RNF43: variants seen among roughly 807,000 people sequenced by gnomAD.
RNF43 encodes E3 ubiquitin-protein ligase RNF43.
A neutral mutation model predicts 78.4 loss-of-function variants in RNF43; 37 were observed. That is an observed-to-expected ratio of 0.47 (90% CI 0.36 to 0.62). RNF43 has a LOEUF of 0.62. RNF43 is among the 20% of genes least tolerant of loss of function. RNF43 has a pLI of 0.00. For missense variants in RNF43, 774 were observed against 1,007.9 expected (o/e 0.77, Z 3.14); for synonymous variants, 347 against 395.0 (o/e 0.88, Z 1.44).
At chr17:58,363,852 T>G (rs1200768871) in intron 3 of RNF43, among the ~76,000 whole-genome samples, 1 of 152,104 alleles carries the variant, frequency 6.6e-6, no homozygotes, top group Non-Finnish European at 1.5e-5. Flanking sequence ...AACAAACCCT[T>G]AAGGGGGGTT....
chr17:58,378,384 A>G (rs974624967), intron 2 of RNF43, among the ~76,000 whole-genome samples: 1 of 152,012 alleles, frequency 6.6e-6, no homozygotes, highest in Non-Finnish European at 1.5e-5. Flanking sequence ...CAGCCTCCTG[A>G]GGTGCTGGGA....
At position 58,357,331 on chromosome 17, in the gene RNF43, G is replaced by C; in HGVS notation, c.2308+137C>G. ...GCCAGCATGATACGCTGTCCCGATG[G>C]TTAAGTATTTTGGTTGTCATCTCTG... On this transcript the variant is annotated intron_variant, in intron 9 of 9. Coordinates refer to ENST00000407977, the MANE Select transcript of RNF43 (RefSeq NM_017763.6). The surrounding 1 kb of genome is among the most constrained non-coding windows in gnomAD (Gnocchi z 4.5). 9.1e-7 allele frequency: 1 copy of C among 1,097,302 alleles called. No individual in the cohort carries two copies. 68.0% of individuals were successfully genotyped at this position (1,097,302 alleles called of 1,614,324 possible).
At chr17:58,361,019 C>G (rs970969169) in intron 6 of RNF43, 75 bp from the exon 7 acceptor site, 1 of 1,410,854 alleles carries the variant, frequency 7.1e-7, no homozygotes. Context: ...GCTTGGACTC[C>G]GTTCCCAGTC....
At chr17:58,379,183 G>A (rs532590229) in intron 2 of RNF43, among the ~76,000 whole-genome samples, 1 of 152,256 alleles carries the variant, frequency 6.6e-6, no homozygotes, top group African/African-American at 2.4e-5. Context: ...CATTAGGTGA[G>A]TACTGTAATA....
At chr17:58,362,186 C>T (rs1972849119) in intron 6 of RNF43, among the ~76,000 whole-genome samples, 1 of 151,946 alleles carries the variant, frequency 6.6e-6, no homozygotes, top group Non-Finnish European at 1.5e-5. Flanking sequence ...CTCCGTAGTA[C>T]ATATCACCAT....
chr17:58,398,084 C>T (rs1214802956), intron 2 of RNF43, among the ~76,000 whole-genome samples: 2 of 152,196 alleles, frequency 1.3e-5, no homozygotes, highest in Admixed American at 6.5e-5. Flanking sequence ...AATCCTTAAA[C>T]TTGGCTCAAA....
At chr17:58,413,868 CT>C (rs1330198796) in intron 2 of RNF43, among the ~76,000 whole-genome samples, 3 of 152,140 alleles carry the variant, frequency 2.0e-5, no homozygotes, top group Non-Finnish European at 4.4e-5. Context: ...CTCTCAAAAA[CT>C]TCAGTGATAT....
Position 58,360,786 on chromosome 17 carries a change from C to G in RNF43, c.846G>C (p.Gly282=), listed in dbSNP as rs774303900. 6.2e-7 allele frequency: 1 copy of G among 1,609,722 alleles called. No individual in the cohort carries two copies. Among genetic ancestry groups the G allele is most frequent in the Non-Finnish European group, 8.5e-7 (1 of 1,178,038 alleles). ...CAICLEEFSE[G]QELRVISCLH... is the part of the protein sequence containing the mutation. The stretch of plus-strand genomic sequence containing the variant: ...TGAACCACAAGACCTGCCTTACCTG[C>G]CCCTCAGAGAACTCCTCCAGACAGA... The change falls in exon 7 of 10, where the codon GGG becomes GGC. Residue 282 remains glycine, a synonymous_variant. Coordinates refer to ENST00000407977, the MANE Select transcript of RNF43 (RefSeq NM_017763.6). This position sits in a 1 kb window ranked among gnomAD's most constrained non-coding sequence, Gnocchi z 4.3.
At chr17:58,364,030 A>G (rs1972898510) in intron 3 of RNF43, among the ~76,000 whole-genome samples, 1 of 152,200 alleles carries the variant, frequency 6.6e-6, no homozygotes, top group African/African-American at 2.4e-5. Flanking sequence ...GGGACAGCAG[A>G]GAAGTAGAGC....
chr17:58,399,777 G>A (rs1973756075), intron 2 of RNF43, among the ~76,000 whole-genome samples: 1 of 152,012 alleles, frequency 6.6e-6, no homozygotes, highest in Non-Finnish European at 1.5e-5. Context: ...AAGTAGCTGG[G>A]ATTACAGTTG....
rs146092989 is a variant in RNF43 at position 58,367,450 on chromosome 17, C to A, written c.375+3461G>T. 3.2e-3 allele frequency among the ~76,000 whole-genome samples: 486 copies of A among 152,324 alleles called. 2 individuals are homozygous for A. Among genetic ancestry groups the A allele is most frequent in the Non-Finnish European group, 3.1e-3 (209 of 68,034 alleles). ...TGAATAATTTGCCCAGGGTCACCAACTGAGAAGCAGTGGAGGCAGAATTTG... is the reference window on the plus strand; with the variant it reads ...TGAATAATTTGCCCAGGGTCACCAAATGAGAAGCAGTGGAGGCAGAATTTG... On this transcript the variant is annotated intron_variant, in intron 3 of 9. Transcript: ENST00000407977.
rs1201588586 is a variant in RNF43, at chr17:58,415,608, T to C, written c.-31A>G. 3.1e-6 allele frequency: 5 copies of C among 1,600,614 alleles called. No individual in the cohort carries two copies. The highest frequency in any genetic ancestry group is 3.4e-6 in the Non-Finnish European group (4 of 1,179,002). On this transcript the variant is annotated 5_prime_UTR_variant, in exon 2 of 10. The change abolishes an upstream ATG in the 5' untranslated region. Transcript: ENST00000407977. ...CAGCTGCAGCAATGCACTTCAACCA[T>C]ACATACTGCTTCCACTAGCTAATAC... is the stretch of plus-strand genomic sequence containing the variant.
At chr17:58,362,436 G>C in intron 6 of RNF43, 108 bp downstream of exon 6, 1 of 704,078 alleles carries the variant, frequency 1.4e-6, no homozygotes, top group Non-Finnish European at 2.3e-6. Flanking sequence ...GATGTAAATG[G>C]TTCCATAGGT....
chr17:58,383,528 C>T (rs1973365861), intron 2 of RNF43, among the ~76,000 whole-genome samples: 1 of 152,000 alleles, frequency 6.6e-6, no homozygotes, highest in South Asian at 2.1e-4. Flanking sequence ...GTTTCTAAAT[C>T]CTGGCCTCAA....
chr17:58,378,153 C>T (rs1327335857), intron 2 of RNF43, among the ~76,000 whole-genome samples: 1 of 152,196 alleles, frequency 6.6e-6, no homozygotes, highest in African/African-American at 2.4e-5. Context: ...TCTTTCAAAA[C>T]CTTACATAAA....
rs1351419674 is a variant in RNF43, at chr17:58,415,704, T to G, written c.-127A>C. 1 of 1,170,688 alleles carries G rather than the reference T, an allele frequency of 8.5e-7. No individual in the cohort carries two copies. Among genetic ancestry groups the G allele is most frequent in the Non-Finnish European group, 1.2e-6 (1 of 846,806 alleles). 72.5% of individuals were successfully genotyped at this position (1,170,688 alleles called of 1,614,324 possible). ...TATGCTTCCGTTTCAGAAAGCCAAG[T>G]CGTAGTTTTGGCCCTTCCTTTCTCT... On this transcript the variant is annotated 5_prime_UTR_variant, in exon 2 of 10. Transcript: ENST00000407977.
At chr17:58,361,932 T>G (rs912384950) in intron 6 of RNF43, among the ~76,000 whole-genome samples, 4 of 152,092 alleles carry the variant, frequency 2.6e-5, no homozygotes, top group East Asian at 1.9e-4. Flanking sequence ...AAATTAACCC[T>G]GTTAATTTTT....
chr17:58,382,936 C>A (rs572619597), intron 2 of RNF43, among the ~76,000 whole-genome samples: 1 of 152,306 alleles, frequency 6.6e-6, no homozygotes, highest in African/African-American at 2.4e-5. Context: ...CAGTCTCTCT[C>A]CCAGATTTGT....
intron 3 of RNF43, among the ~76,000 whole-genome samples, chr17:58,366,992 A>ATTTT (rs60382535): frequency 1.8e-4 from 22 of 122,792 alleles, no homozygotes; most frequent in South Asian, 2.7e-4. Flanking sequence ...GGCCCGGCTA[A>ATTTT]TTTTTTTTTT....
Sources: allele counts gnomAD v4.1 joint callset (sites outside exome capture counted in the v4.1 genomes callset), GRCh38; gene constraint gnomAD v4.1.1; non-coding constraint Gnocchi (gnomAD v3.1); transcripts MANE v1.5; gene names NCBI Gene and HGNC (gene_info 2026-07-23, HGNC 2026-07-21).